The following KCP variants were observed in gnomAD, a reference collection of about 807,000 sequenced individuals.
KCP encodes kielin/chordin-like protein.
In KCP, 194 loss-of-function variants were observed where a neutral mutation model predicts 212.7. That is an observed-to-expected ratio of 0.91 (90% CI 0.81 to 1.03). The LOEUF is 1.03. KCP is among the 50% of genes least tolerant of loss of function. The probability of loss-of-function intolerance (pLI) is 0.00; values close to 1 mark genes in which losing one functional copy is unlikely to be tolerated. For synonymous variants in KCP, 833 were observed against 865.3 expected (o/e 0.96, Z 0.65); for missense variants, 2,080 against 2,162.5 (o/e 0.96, Z 0.76).
chr7:128,908,280 AAG>A (rs1795255107), intron 2 of KCP, 144 bp downstream of exon 2: 1 of 571,920 alleles, frequency 1.7e-6, no homozygotes. Flanking sequence ...GAAAGAAAGA[AAG>A]AAAGAAAGAA....
At position 128,877,482 on chromosome 7, in the gene KCP, A is replaced by C; in HGVS notation, c.4618+2T>G. 1.3e-6 allele frequency: 2 copies of C among 1,550,786 alleles called. No individual in the cohort carries two copies. The highest frequency in any genetic ancestry group is 1.7e-6 in the Non-Finnish European group (2 of 1,146,816). On this transcript the variant is annotated splice_donor_variant, in intron 39 of 39. Transcript: ENST00000610776. LOFTEE classifies it high-confidence loss of function. Reference sequence around the variant, plus strand: ...AACCTGCAGCGGGCATCACCCCCTCACCACACAGCGTGGGGCCTCGCCAGG... The same window carrying C: ...AACCTGCAGCGGGCATCACCCCCTCCCCACACAGCGTGGGGCCTCGCCAGG...
In KCP at chr7:128,886,865, AG is replaced by A; in HGVS notation, c.2689+10del. 6.7e-7 allele frequency: 1 copy of A among 1,500,808 alleles called. No individual in the cohort carries two copies. The highest frequency in any genetic ancestry group is 9.0e-7 in the Non-Finnish European group (1 of 1,105,126). The allele number at this position is 1,500,808 out of a possible 1,614,324, so 93.0% of individuals were successfully genotyped here. ...AGGGCATGGGGGCCGCGCATGAGGA[AG>A]GCAGCTCACTGTGGCAAACAGGGCA... On this transcript the variant is annotated intron_variant, in intron 24 of 39. Coordinates refer to ENST00000610776, the MANE Select transcript of KCP (RefSeq NM_001366122.1).
Position 128,880,377 on chromosome 7 carries a change from G to A in KCP, c.3759+9C>T, listed in dbSNP as rs775475118. ...GACCCTCCCCACCATTTTAGATTGC[G>A]GCACTCACGGGGCCACACGAGAGCG... On this transcript the variant is annotated intron_variant, in intron 34 of 39. Transcript: ENST00000610776. The A allele has an allele frequency of 1.7e-5, 26 of 1,513,730 alleles. No individual in the cohort carries two copies. The highest frequency in any genetic ancestry group is 1.1e-4 in the African/African-American group (8 of 72,332). The allele number at this position is 1,513,730 out of a possible 1,614,324, so 93.8% of individuals were successfully genotyped here.
At chr7:128,904,428 C>T (rs1302026493) in intron 5 of KCP, 9 of 1,315,352 alleles carry the variant, frequency 6.8e-6, no homozygotes, top group Non-Finnish European at 9.6e-6. Flanking sequence ...ACCATCCTCC[C>T]TCTTTCTCTC....
chr7:128,900,365 T>C lies in KCP; in HGVS notation c.831+2412A>G, dbSNP rs572950481. Among the ~76,000 whole-genome samples, 75 of 152,342 alleles carry C rather than the reference T, an allele frequency of 4.9e-4. 1 individual carries two copies. Among genetic ancestry groups the C allele is most frequent in the African/African-American group, 1.7e-3 (70 of 41,582 alleles). ...GCAATTTAGACTGATTGCTTGCTCCTGTGACCCAACCAGAGCTCTCTGGCT... is the reference window on the plus strand; with the variant it reads ...GCAATTTAGACTGATTGCTTGCTCCCGTGACCCAACCAGAGCTCTCTGGCT... On this transcript the variant is annotated intron_variant, in intron 8 of 39. Coordinates refer to ENST00000610776, the MANE Select transcript of KCP (RefSeq NM_001366122.1).
chr7:128,880,961 G>A (rs1395594819), intron 32 of KCP, 36 bp downstream of exon 32: 6 of 398,668 alleles, frequency 1.5e-5, no homozygotes, highest in Non-Finnish European at 2.2e-5. Context: ...ATCCATCTGC[G>A]AGATCCTCCA....
chr7:128,887,400 G>A, intron 22 of KCP, 100 bp from the exon 23 acceptor site: 3 of 871,550 alleles, frequency 3.4e-6, no homozygotes, highest in South Asian at 1.4e-5. Context: ...CACAGCCACA[G>A]CCACAGACAC....
chr7:128,888,281 C>G (rs897756520), intron 22 of KCP, among the ~76,000 whole-genome samples: 1 of 145,072 alleles, frequency 6.9e-6, no homozygotes, highest in African/African-American at 2.6e-5. Flanking sequence ...CATACACTGT[C>G]ACACACACAG....
intron 18 of KCP, 33 bp from the exon 19 acceptor site, chr7:128,891,311 G>A: frequency 6.5e-7 from 1 of 1,547,542 alleles, no homozygotes; most frequent in Non-Finnish European, 8.7e-7. Context: ...CGGGTCAGTG[G>A]GTTAGTTGGG....
At chr7:128,893,551 C>A in intron 11 of KCP, 75 bp from the exon 12 acceptor site, 2 of 1,178,612 alleles carry the variant, frequency 1.7e-6, no homozygotes, top group Non-Finnish European at 2.4e-6. Context: ...CTGAGGTGTC[C>A]AACCCCCACC....
chr7:128,888,325 G>GC (rs1471233465), intron 22 of KCP, among the ~76,000 whole-genome samples: 7 of 77,272 alleles, frequency 9.1e-5, no homozygotes, highest in South Asian at 4.4e-4. Flanking sequence ...CCCACACAGA[G>GC]CAACACACAC....
chr7:128,904,167 G>A (rs553260560), intron 5 of KCP, 29 bp from the exon 6 acceptor site: 2 of 1,544,488 alleles, frequency 1.3e-6, no homozygotes, highest in South Asian at 1.2e-5. Flanking sequence ...TGACAAGTGG[G>A]TCACCAGGCA....
chr7:128,893,485 G>T lies in KCP; in HGVS notation c.1100-9C>A. On this transcript the variant is annotated splice_polypyrimidine_tract_variant and intron_variant, in intron 11 of 39. Transcript: ENST00000610776. The stretch of plus-strand genomic sequence containing the variant: ...TCCCTGGTACTCACAGCCTGGATGG[G>T]ATGACAGGGGCGTGGGGGTATAGGG... 7 of 1,540,124 alleles carry T rather than the reference G, an allele frequency of 4.5e-6. No homozygotes were observed. The highest frequency in any genetic ancestry group is 6.2e-6 in the Non-Finnish European group (7 of 1,136,728).
intron 30 of KCP, 84 bp downstream of exon 30, chr7:128,881,853 C>G: frequency 7.0e-7 from 1 of 1,421,804 alleles, no homozygotes; most frequent in African/African-American, 1.4e-5. Context: ...AGCCCTGGAG[C>G]TGCTGCGGGA....
At chr7:128,883,879 A>G in intron 29 of KCP, 123 bp downstream of exon 29, 1 of 1,245,072 alleles carries the variant, frequency 8.0e-7, no homozygotes, top group South Asian at 1.7e-5. Flanking sequence ...CCGGCCAGGC[A>G]TAGGGTTCCA....
chr7:128,886,989 A>G, intron 23 of KCP, 23 bp from the exon 24 acceptor site: 2 of 1,264,096 alleles, frequency 1.6e-6, no homozygotes, highest in Non-Finnish European at 2.2e-6. Context: ...GGCCCATCAC[A>G]CCCTCAACTG....
At chr7:128,908,035 G>A (rs532551134) in intron 2 of KCP, among the ~76,000 whole-genome samples, 23 of 151,024 alleles carry the variant, frequency 1.5e-4, no homozygotes, top group Admixed American at 9.9e-4. Flanking sequence ...AGGCTGAAGC[G>A]TAAGAATCAC....
chr7:128,900,559 T>C (rs913964388), intron 8 of KCP, among the ~76,000 whole-genome samples: 1 of 152,240 alleles, frequency 6.6e-6, no homozygotes, highest in Admixed American at 6.5e-5. Context: ...ATTTTACTGA[T>C]TTTGCTTTAC....
chr7:128,878,949 G>A lies in KCP; in HGVS notation c.4147-227C>T, dbSNP rs554395583. 595 of 522,500 alleles carry A rather than the reference G, an allele frequency of 1.1e-3. 14 individuals are homozygous for A. The South Asian group carries it at 0.017, about 15-fold the overall frequency. 32.4% of individuals were successfully genotyped at this position (522,500 alleles called of 1,614,324 possible). A position where few individuals can be genotyped will look rare whatever the true frequency, so the allele number is the denominator to read the frequency against. On this transcript the variant is annotated intron_variant, in intron 37 of 39. Transcript: ENST00000610776. ...CAGATGACAGGAGGAGCTGCCCACA[G>A]CTCCTGCATGAGGGCACCTTCTCCT...
Sources: gnomAD v4.1 joint callset for allele counts (sites outside exome capture counted in the v4.1 genomes callset) on GRCh38, gnomAD v4.1.1 for gene constraint, MANE v1.5 for transcripts, NCBI Gene and HGNC (gene_info 2026-07-23, HGNC 2026-07-21) for gene names.